Variants in KY observed in about 807,000 individuals in gnomAD.
The protein encoded by KY is kyphoscoliosis peptidase.
A neutral mutation model predicts 76.1 loss-of-function variants in KY; 43 were observed. That is an observed-to-expected ratio of 0.57 (90% CI 0.44 to 0.73). The LOEUF (loss-of-function observed/expected upper bound fraction) is 0.73, where lower values mean the gene tolerates loss of function less well. Ranked by LOEUF, KY falls within the 30% of genes least tolerant of loss-of-function variation. The pLI, the probability that KY is intolerant of heterozygous loss-of-function variation, is 0.00. For missense variants in KY, 722 were observed against 828.9 expected (o/e 0.87, Z 1.58); for synonymous variants, 277 against 326.2 (o/e 0.85, Z 1.63).
intron 1 of KY, among the ~76,000 whole-genome samples, chr3:134,650,185 A>C (rs1422391288): frequency 1.3e-5 from 2 of 152,196 alleles, no homozygotes; most frequent in African/African-American, 4.8e-5. Context: ...TACAACTTAC[A>C]AATTTACCCA....
chr3:134,619,471 G>A (rs898242267), intron 7 of KY, among the ~76,000 whole-genome samples: 62 of 152,340 alleles, frequency 4.1e-4, no homozygotes, highest in Admixed American at 1.1e-3. Context: ...TGGCAGAGGG[G>A]GCCACCTGGC....
intron 9 of KY, 125 bp from the exon 10 acceptor site, chr3:134,608,964 G>A: frequency 1.9e-6 from 2 of 1,079,510 alleles, no homozygotes; most frequent in Non-Finnish European, 2.6e-6. Context: ...ACCCTAACAT[G>A]GGCACTGGAG....
intron 3 of KY, among the ~76,000 whole-genome samples, chr3:134,639,108 A>G (rs1478476769): frequency 1.4e-5 from 2 of 143,532 alleles, no homozygotes; most frequent in South Asian, 4.5e-4. Context: ...TAGAGTCAGG[A>G]AAACAGCTAA....
intron 4 of KY, chr3:134,628,156 C>T: frequency 3.3e-6 from 1 of 302,530 alleles, no homozygotes; most frequent in Non-Finnish European, 6.3e-6. Flanking sequence ...GAGTTTCCTG[C>T]TTTCTTGAAT....
rs2107805187 is a variant in KY, at chr3:134,615,926, G to T, written c.710+3222C>A. Among the ~76,000 whole-genome samples, 4 of 152,348 alleles carry T rather than the reference G, an allele frequency of 2.6e-5. No individual in the cohort carries two copies. In the South Asian group the frequency reaches 8.3e-4, roughly 32 times the overall value. On this transcript the variant is annotated intron_variant, in intron 8 of 10. Transcript: ENST00000423778. ...ATGAGTGGAAAGCCAGCTGACATCT[G>T]ATTGGTGACAACCAACTCCCTCAGT...
chr3:134,609,512 G>T (rs144102371), intron 9 of KY, among the ~76,000 whole-genome samples: 1 of 152,164 alleles, frequency 6.6e-6, no homozygotes, highest in Non-Finnish European at 1.5e-5. Context: ...TGCAAAAATC[G>T]AGAGAGCACA....
intron 3 of KY, among the ~76,000 whole-genome samples, chr3:134,642,471 C>T (rs1328796177): frequency 2.6e-5 from 4 of 152,204 alleles, no homozygotes; most frequent in African/African-American, 9.7e-5. Flanking sequence ...AACCTGGCCT[C>T]CTGTCACCAT....
rs1440168494 is a variant in KY at position 134,601,204 on chromosome 3, A to AT, written c.*2374dup. 6.6e-6 allele frequency: 1 copy of AT among 151,834 alleles called. No individual in the cohort carries two copies. Among genetic ancestry groups the AT allele is most frequent in the Non-Finnish European group, 1.5e-5 (1 of 68,002 alleles). 9.4% of individuals were successfully genotyped at this position (151,834 alleles called of 1,614,324 possible). On this transcript the variant is annotated 3_prime_UTR_variant, in exon 11 of 11. Coordinates refer to ENST00000423778, the MANE Select transcript of KY (RefSeq NM_178554.6). ...ACTTCAGTGGAAAGAAATGCAGGTG[A>AT]TTTTCTGACTGCGCCTACAGCTGTC...
intron 8 of KY, among the ~76,000 whole-genome samples, chr3:134,610,879 T>C (rs1339388945): frequency 3.3e-5 from 5 of 151,896 alleles, no homozygotes; most frequent in Admixed American, 6.6e-5. Context: ...GTGACATGGG[T>C]GAGGTGTTGT....
At chr3:134,643,475 CG>C in intron 2 of KY, 97 bp from the exon 3 acceptor site, 1 of 1,014,408 alleles carries the variant, frequency 9.9e-7, no homozygotes, top group Non-Finnish European at 1.5e-6. Context: ...GGTGGGCTGG[CG>C]GGGGCCAAGC....
chr3:134,607,226 G>A (rs1290158293), intron 10 of KY: 4 of 985,464 alleles, frequency 4.1e-6, no homozygotes, highest in South Asian at 9.4e-5. Flanking sequence ...GCAACTTCAC[G>A]CTGTTATTTT....
rs1402031287 is a variant in KY at position 134,610,608 on chromosome 3, G to A, written c.711-225C>T. ...CTGGTCCTGTTGGTACAGACTGGCT[G>A]CAGTCTCCGCTGTCTGCTCCTCCCC... On this transcript the variant is annotated intron_variant, in intron 8 of 10. Coordinates refer to ENST00000423778, the MANE Select transcript of KY (RefSeq NM_178554.6). 3.2e-5 allele frequency: 16 copies of A among 495,692 alleles called. No individual in the cohort carries two copies. The East Asian group carries it at 4.7e-4, about 15-fold the overall frequency. 30.7% of individuals were successfully genotyped at this position (495,692 alleles called of 1,614,324 possible).
At chr3:134,630,765 A>G (rs1964103280) in intron 3 of KY, among the ~76,000 whole-genome samples, 1 of 152,232 alleles carries the variant, frequency 6.6e-6, no homozygotes, top group African/African-American at 2.4e-5. Context: ...AAGACTCAGG[A>G]AAGTCTTAAT....
intron 7 of KY, among the ~76,000 whole-genome samples, chr3:134,619,528 G>A (rs1013529428): frequency 3.9e-5 from 6 of 152,252 alleles, no homozygotes; most frequent in Non-Finnish European, 7.3e-5. Context: ...GACCAGGACA[G>A]TGCAGAGGCA....
chr3:134,633,287 A>AG (rs1469244335), intron 3 of KY, among the ~76,000 whole-genome samples: 15 of 152,124 alleles, frequency 9.9e-5, no homozygotes, highest in Admixed American at 6.5e-5. Context: ...ATCAACACAA[A>AG]GACAGCAAAA....
Position 134,650,836 on chromosome 3 carries a change from T to C in KY, c.125A>G (p.Gln42Arg), listed in dbSNP as rs753230712. 16 of 1,602,314 alleles carry C rather than the reference T, an allele frequency of 1.0e-5. No homozygotes were observed. The South Asian group carries it at 1.4e-4, about 14-fold the overall frequency. Reference sequence around the variant, plus strand: ...CGGGCGCGCGTTACCTCCTCCGCGCTGCAGCAGCGAGCTCGGGTTCGCCTG... The same window carrying C: ...CGGGCGCGCGTTACCTCCTCCGCGCCGCAGCAGCGAGCTCGGGTTCGCCTG... ...DQQANPSSLLQRGGGFQGVGN... is the reference protein window; with the variant it reads ...DQQANPSSLLRRGGGFQGVGN... Residue 42 changes from glutamine to arginine, a missense_variant, in exon 1 of 11, where the codon CAG (glutamine) becomes CGG (arginine). Gln to Arg is a conservative substitution (Grantham distance 43). Coordinates refer to ENST00000423778, the MANE Select transcript of KY (RefSeq NM_178554.6).
At chr3:134,630,087 C>T (rs942237006) in intron 3 of KY, among the ~76,000 whole-genome samples, 2 of 152,186 alleles carry the variant, frequency 1.3e-5, no homozygotes, top group African/African-American at 2.4e-5. Flanking sequence ...CTAGACTGGA[C>T]TTAAAGGCAT....
chr3:134,611,328 C>T (rs1312132311), intron 8 of KY, among the ~76,000 whole-genome samples: 1 of 152,168 alleles, frequency 6.6e-6, no homozygotes, highest in Non-Finnish European at 1.5e-5. Flanking sequence ...ACCCTGAGGC[C>T]CAGGCCTGGG....
chr3:134,617,452 A>T (rs1961762135), intron 8 of KY, among the ~76,000 whole-genome samples: 1 of 152,164 alleles, frequency 6.6e-6, no homozygotes, highest in African/African-American at 2.4e-5. Flanking sequence ...GAGAGAGGAG[A>T]TAAAGGCAAA....
Sources: allele counts gnomAD v4.1 joint callset (sites outside exome capture counted in the v4.1 genomes callset), GRCh38; gene constraint gnomAD v4.1.1; transcripts MANE v1.5; gene names NCBI Gene and HGNC (gene_info 2026-07-23, HGNC 2026-07-21).